The following ADGRG6 variants were observed in gnomAD, a reference collection of about 807,000 sequenced individuals.
The protein encoded by ADGRG6 is adhesion G protein-coupled receptor G6.
A neutral mutation model predicts 142.4 loss-of-function variants in ADGRG6; 84 were observed. The ratio of observed to expected loss-of-function variants is 0.59; its 90% confidence interval spans 0.49 to 0.71. The LOEUF (loss-of-function observed/expected upper bound fraction) is 0.71, where lower values mean the gene tolerates loss of function less well. Among genes scored for constraint, ADGRG6 ranks in the 30% least tolerant of loss-of-function variants. The pLI, the probability that ADGRG6 is intolerant of heterozygous loss-of-function variation, is 0.00. For missense variants in ADGRG6, 1,367 were observed against 1,466.6 expected (o/e 0.93, Z 1.11); for synonymous variants, 521 against 520.5 (o/e 1.00, Z -0.01).
intron 15 of ADGRG6, among the ~76,000 whole-genome samples, chr6:142,407,345 T>C (rs1458498280): frequency 6.6e-6 from 1 of 152,038 alleles, no homozygotes; most frequent in East Asian, 1.9e-4. Context: ...AGCTAATAGC[T>C]GAGTTTAATA....
intron 24 of ADGRG6, among the ~76,000 whole-genome samples, chr6:142,438,845 A>G (rs1238924744): frequency 1.3e-5 from 2 of 152,214 alleles, no homozygotes; most frequent in Non-Finnish European, 2.9e-5. Context: ...CTGATTATAT[A>G]TGAAAGAACA....
chr6:142,323,529 T>C (rs1246421570), intron 2 of ADGRG6, among the ~76,000 whole-genome samples: 2 of 152,142 alleles, frequency 1.3e-5, no homozygotes, highest in African/African-American at 4.8e-5. Flanking sequence ...AGTCCACATA[T>C]ATGACAGTGG....
intron 22 of ADGRG6, among the ~76,000 whole-genome samples, chr6:142,425,896 A>AT (rs1327527621): frequency 6.6e-6 from 1 of 152,176 alleles, no homozygotes; most frequent in African/African-American, 2.4e-5. Flanking sequence ...AAAAACTCCC[A>AT]TTTTTAAACG....
chr6:142,401,891 G>T, intron 11 of ADGRG6, 103 bp from the exon 12 acceptor site: 1 of 586,084 alleles, frequency 1.7e-6, no homozygotes, highest in South Asian at 2.5e-5. Context: ...CTTGTCCATT[G>T]ATCATATTGT....
chr6:142,321,090 A>C (rs1170447263), intron 2 of ADGRG6, among the ~76,000 whole-genome samples: 1 of 151,994 alleles, frequency 6.6e-6, no homozygotes, highest in East Asian at 1.9e-4. Context: ...ACCATAACTT[A>C]ATTTTTGAAA....
chr6:142,320,935 C>G (rs1429440994), intron 2 of ADGRG6, among the ~76,000 whole-genome samples: 1 of 150,806 alleles, frequency 6.6e-6, no homozygotes, highest in Admixed American at 6.6e-5. Flanking sequence ...CTTTTTAAAC[C>G]CTTTGACCAG....
At chr6:142,440,360 G>A (rs1582699288) in intron 24 of ADGRG6, among the ~76,000 whole-genome samples, 1 of 151,738 alleles carries the variant, frequency 6.6e-6, no homozygotes, top group African/African-American at 2.4e-5. Flanking sequence ...GCACACTCAC[G>A]GTAGAGGCTT....
intron 2 of ADGRG6, among the ~76,000 whole-genome samples, chr6:142,352,082 A>G (rs1012743322): frequency 2.0e-5 from 3 of 152,202 alleles, no homozygotes; most frequent in Non-Finnish European, 2.9e-5. Context: ...TTAAAACAGA[A>G]CTACCATTGG....
rs1420699658 is a variant in ADGRG6, at chr6:142,397,641, A to G, written c.1453A>G (p.Asn485Asp). The change falls in exon 10 of 25, where the codon AAT (asparagine) becomes GAT (aspartate). Residue 485 changes from asparagine (N) to aspartate (D), a missense_variant. Physicochemically the swap from Asn to Asp is conservative, Grantham distance 23. This residue lies in a region of ADGRG6 where 737 missense variants were observed against 746.5 expected (regional missense o/e 0.99). Coordinates refer to ENST00000367609, the MANE Select transcript of ADGRG6 (RefSeq NM_198569.3). Reference sequence around the variant, plus strand: ...GGTGCTTTGGGCCCTTCTAGTTTACAATGCTACCAACAATACTAATTTGGA... The same window carrying G: ...GGTGCTTTGGGCCCTTCTAGTTTACGATGCTACCAACAATACTAATTTGGA... ...RLVLWALLVY[N>D]ATNNTNLEGK... 1.9e-6 allele frequency: 3 copies of G among 1,609,506 alleles called. No individual in the cohort carries two copies. The South Asian group carries it at 3.3e-5, about 18-fold the overall frequency.
intron 1 of ADGRG6, among the ~76,000 whole-genome samples, chr6:142,304,863 CA>C (rs1325401691): frequency 3.3e-5 from 5 of 151,904 alleles, no homozygotes; most frequent in Non-Finnish European, 5.9e-5. Flanking sequence ...TACTAATTGA[CA>C]GGGGTGGTGC....
At chr6:142,349,482 T>C (rs1780058351) in intron 2 of ADGRG6, among the ~76,000 whole-genome samples, 1 of 152,194 alleles carries the variant, frequency 6.6e-6, no homozygotes, top group African/African-American at 2.4e-5. Context: ...GGAAGCTACC[T>C]GGGAAGGAGT....
intron 2 of ADGRG6, among the ~76,000 whole-genome samples, chr6:142,348,626 TG>T (rs1780018264): frequency 6.6e-6 from 1 of 150,416 alleles, no homozygotes; most frequent in Non-Finnish European, 1.5e-5. Flanking sequence ...ATGTGAGGGG[TG>T]GTTTTTTTTT....
chr6:142,348,875 T>A (rs1331237595), intron 2 of ADGRG6, among the ~76,000 whole-genome samples: 1 of 152,196 alleles, frequency 6.6e-6, no homozygotes, highest in Non-Finnish European at 1.5e-5. Context: ...TGATTGGGAT[T>A]TGACAAAAAT....
chr6:142,419,295 G>C (rs1216875869), intron 21 of ADGRG6, among the ~76,000 whole-genome samples: 1 of 152,112 alleles, frequency 6.6e-6, no homozygotes, highest in African/African-American at 2.4e-5. Flanking sequence ...GCTGGCTGCG[G>C]CTCCATAGCT....
chr6:142,372,414 C>T (rs547495891), intron 4 of ADGRG6, among the ~76,000 whole-genome samples: 12 of 152,286 alleles, frequency 7.9e-5, no homozygotes, highest in African/African-American at 2.2e-4. Flanking sequence ...AGCAAAGTAG[C>T]ACCCTTATGA....
At position 142,302,352 on chromosome 6, in the gene ADGRG6, T is replaced by C. The variant is rs767238877; in HGVS notation, c.2+21T>C. ...AACATGTAAGTCTCACCTTTCAGCT[T>C]GGAATTCCTTCACTCTTTTATCTGT... On this transcript the variant is annotated intron_variant, in intron 1 of 24. Transcript: ENST00000367609. 4.3e-6 allele frequency: 7 copies of C among 1,611,912 alleles called. 1 individual carries two copies. In the Admixed American group the frequency reaches 1.2e-4, roughly 27 times the overall value.
intron 2 of ADGRG6, among the ~76,000 whole-genome samples, chr6:142,328,776 A>G (rs1778904210): frequency 6.6e-6 from 1 of 152,164 alleles, no homozygotes; most frequent in Non-Finnish European, 1.5e-5. Context: ...GGTAGCGCTC[A>G]TTGACTTGTG....
At chr6:142,364,325 G>A (rs1390976373) in intron 2 of ADGRG6, among the ~76,000 whole-genome samples, 4 of 152,058 alleles carry the variant, frequency 2.6e-5, no homozygotes, top group Admixed American at 2.0e-4. Flanking sequence ...ATGCTGTCTA[G>A]CCACTGAAGG....
intron 2 of ADGRG6, among the ~76,000 whole-genome samples, chr6:142,336,043 GT>G (rs1370021896): frequency 6.6e-6 from 1 of 152,132 alleles, no homozygotes; most frequent in African/African-American, 2.4e-5. Flanking sequence ...ATTAGTCAAA[GT>G]TTTGCTTGTT....
Sources: gnomAD v4.1 joint callset for allele counts (sites outside exome capture counted in the v4.1 genomes callset) on GRCh38, gnomAD v4.1.1 for gene constraint, gnomAD v4.1.1 regional missense constraint, MANE v1.5 for transcripts, NCBI Gene and HGNC (gene_info 2026-07-23, HGNC 2026-07-21) for gene names.